EPHA5: variants seen among roughly 807,000 people sequenced by gnomAD.
EPHA5 encodes EPH receptor A5, also known as ephrin type-A receptor 5.
In EPHA5, 60 loss-of-function variants were observed where a neutral mutation model predicts 105.0. That is an observed-to-expected ratio of 0.57 (90% CI 0.46 to 0.71). The LOEUF (loss-of-function observed/expected upper bound fraction) is 0.71, where lower values mean the gene tolerates loss of function less well. Among genes scored for constraint, EPHA5 ranks in the 30% least tolerant of loss-of-function variants. The probability of loss-of-function intolerance (pLI) is 0.00; values close to 1 mark genes in which losing one functional copy is unlikely to be tolerated. For missense variants in EPHA5, 1,218 were observed against 1,274.7 expected, an observed-to-expected ratio of 0.96 and a Z score of 0.68; for synonymous variants, 513 against 449.1, an observed-to-expected ratio of 1.14 and a Z score of -1.80.
chr4:65,406,582 C>T (rs999115215), intron 7 of EPHA5, among the ~76,000 whole-genome samples: 1 of 152,144 alleles, frequency 6.6e-6, no homozygotes, highest in African/African-American at 2.4e-5. Context: ...CTCTCCATTT[C>T]TTTCTGTATT....
chr4:65,404,364 C>T lies in EPHA5; in HGVS notation c.1793+10G>A, dbSNP rs2148990432. 6.2e-7 allele frequency: 1 copy of T among 1,608,934 alleles called. No homozygotes were observed. Among genetic ancestry groups the T allele is most frequent in the South Asian group, 1.1e-5 (1 of 90,964 alleles). ...CTGCAGAACTTCAGAATCACAGCTT[C>T]CTCTCTTACCTTCCACTGAGGAGGA... On this transcript the variant is annotated intron_variant, in intron 8 of 16. Coordinates refer to ENST00000613740, the MANE Select transcript of EPHA5 (RefSeq NM_001281766.3).
intron 3 of EPHA5, among the ~76,000 whole-genome samples, chr4:65,565,658 G>T (rs1231114856): frequency 2.0e-5 from 3 of 149,742 alleles, no homozygotes; most frequent in African/African-American, 7.4e-5. Flanking sequence ...TATGTGCAAG[G>T]CAAAAGAAAG....
chr4:65,348,652 C>A (rs1361602889), intron 13 of EPHA5, among the ~76,000 whole-genome samples: 3 of 79,608 alleles, frequency 3.8e-5, no homozygotes, highest in East Asian at 3.2e-4. Context: ...AAAGCATAAA[C>A]ATTGGAGATA....
intron 15 of EPHA5, among the ~76,000 whole-genome samples, chr4:65,335,376 C>T (rs1721075294): frequency 1.3e-5 from 2 of 151,982 alleles, no homozygotes; most frequent in South Asian, 4.1e-4. Context: ...CAAATTTTCT[C>T]CACAAGATTA....
At chr4:65,441,191 T>A (rs1342251217) in intron 5 of EPHA5, among the ~76,000 whole-genome samples, 1 of 151,960 alleles carries the variant, frequency 6.6e-6, no homozygotes, top group Admixed American at 6.6e-5. Context: ...GCACCTTTAA[T>A]AACCTAATAT....
chr4:65,607,645 C>G (rs1744364619), intron 2 of EPHA5, among the ~76,000 whole-genome samples: 1 of 152,186 alleles, frequency 6.6e-6, no homozygotes, highest in South Asian at 2.1e-4. Flanking sequence ...CCATCTCATG[C>G]CAGTTACAAT....
chr4:65,388,337 A>G (rs1577986448), intron 8 of EPHA5, among the ~76,000 whole-genome samples: 3 of 151,884 alleles, frequency 2.0e-5, no homozygotes, highest in South Asian at 2.1e-4. Context: ...ATACCCAGTA[A>G]TGGGATGGCT....
chr4:65,561,493 C>A (rs1024107977), intron 3 of EPHA5, among the ~76,000 whole-genome samples: 1 of 152,082 alleles, frequency 6.6e-6, no homozygotes, highest in Admixed American at 6.6e-5. Flanking sequence ...TGAGGCATAA[C>A]AGCTTAGCTG....
intron 3 of EPHA5, among the ~76,000 whole-genome samples, chr4:65,576,125 GAAAAGA>G (rs1741014460): frequency 7.5e-6 from 1 of 133,524 alleles, no homozygotes; most frequent in African/African-American, 2.8e-5. Context: ...AAAAAGAAAA[GAAAAGA>G]AAAGAAAGAA....
chr4:65,465,481 AAG>A lies in EPHA5; in HGVS notation c.1402+24894_1402+24895del, dbSNP rs545200058. 2.6e-4 allele frequency among the ~76,000 whole-genome samples: 28 copies of A among 106,578 alleles called. 1 individual carries two copies. The highest frequency in any genetic ancestry group is 8.5e-4 in the African/African-American group (26 of 30,680). The allele number at this position is 106,578 out of a possible 152,430, so 69.9% of individuals were successfully genotyped here. ...GAAAAGAAAGAAAAAGAAAGAAAGA[AAG>A]AAAGAAAGAAAGAAAGAAAGAAAGA... On this transcript the variant is annotated intron_variant, in intron 5 of 16. Transcript: ENST00000613740.
intron 3 of EPHA5, among the ~76,000 whole-genome samples, chr4:65,519,217 A>G (rs529536846): frequency 2.6e-5 from 4 of 152,000 alleles, no homozygotes; most frequent in Admixed American, 2.0e-4. Flanking sequence ...TGTAAATGCA[A>G]ATAAATAATG....
chr4:65,636,945 A>C (rs1747176644), intron 2 of EPHA5, among the ~76,000 whole-genome samples: 1 of 152,062 alleles, frequency 6.6e-6, no homozygotes, highest in African/African-American at 2.4e-5. Flanking sequence ...CCTGATAAAT[A>C]TTTGTTGAAT....
At chr4:65,569,776 A>G (rs1739927994) in intron 3 of EPHA5, among the ~76,000 whole-genome samples, 2 of 151,730 alleles carry the variant, frequency 1.3e-5, no homozygotes, top group African/African-American at 4.8e-5. Context: ...TCACCTCAAA[A>G]TGAAGTATCT....
At chr4:65,579,038 G>A (rs1457382795) in intron 3 of EPHA5, among the ~76,000 whole-genome samples, 3 of 151,746 alleles carry the variant, frequency 2.0e-5, no homozygotes, top group Non-Finnish European at 4.4e-5. Flanking sequence ...ATTTTTTAGT[G>A]TTTCAAAATG....
chr4:65,622,750 T>C (rs938863041), intron 2 of EPHA5, among the ~76,000 whole-genome samples: 3 of 152,030 alleles, frequency 2.0e-5, no homozygotes, highest in African/African-American at 2.4e-5. Context: ...ATAACTCCTG[T>C]ATAAATTCTA....
chr4:65,645,675 T>A (rs916734276), intron 1 of EPHA5, among the ~76,000 whole-genome samples: 1 of 151,944 alleles, frequency 6.6e-6, no homozygotes, highest in Non-Finnish European at 1.5e-5. Flanking sequence ...CTCAAAAAAC[T>A]AGCTTGGCTG....
At chr4:65,364,818 T>A (rs1043129492) in intron 11 of EPHA5, among the ~76,000 whole-genome samples, 199 bp downstream of exon 11, 1 of 151,614 alleles carries the variant, frequency 6.6e-6, no homozygotes, top group Non-Finnish European at 1.5e-5. Context: ...TGGGTTAAAA[T>A]ATATATTTTA....
chr4:65,401,027 G>A (rs1156488846), intron 8 of EPHA5, among the ~76,000 whole-genome samples: 1 of 151,586 alleles, frequency 6.6e-6, no homozygotes, highest in Admixed American at 6.6e-5. Flanking sequence ...TGAGATGGTA[G>A]TCATGTGTGT....
intron 5 of EPHA5, among the ~76,000 whole-genome samples, chr4:65,448,606 C>A (rs1726786870): frequency 6.6e-6 from 1 of 152,164 alleles, no homozygotes. Context: ...TGAGATCATG[C>A]CACTGCACTC....
Sources: gnomAD v4.1 joint callset for allele counts (sites outside exome capture counted in the v4.1 genomes callset) on GRCh38, gnomAD v4.1.1 for gene constraint, MANE v1.5 for transcripts, NCBI Gene and HGNC (gene_info 2026-07-23, HGNC 2026-07-21) for gene names.